Variants in TOGARAM2 observed in about 807,000 individuals in gnomAD.
TOGARAM2 encodes TOG array regulator of axonemal microtubules 2, also known as TOG array regulator of axonemal microtubules protein 2.
In TOGARAM2, 85 loss-of-function variants were observed where a neutral mutation model predicts 93.3. The ratio of observed to expected loss-of-function variants is 0.91; its 90% CI spans 0.76 to 1.09. The LOEUF is 1.09. Among genes scored for constraint, TOGARAM2 ranks in the 50% least tolerant of loss-of-function variants. The pLI is 0.00. For synonymous variants in TOGARAM2, 593 were observed against 552.8 expected (o/e 1.07, Z -1.02); for missense variants, 1,277 against 1,334.5 (o/e 0.96, Z 0.67).
At chr2:28,956,592 A>G (rs1671723304), upstream of TOGARAM2, 1 of 152,172 alleles carries the variant, frequency 6.6e-6, no homozygotes, top group Non-Finnish European at 1.5e-5. This position sits in a 1 kb window ranked among gnomAD's most constrained non-coding sequence, Gnocchi z 4.5. Context: ...CACTGCTGCC[A>G]TTCCCTGATC....
chr2:28,988,800 A>G (rs1248260589), intron 1 of TOGARAM2, among the ~76,000 whole-genome samples: 1 of 152,046 alleles, frequency 6.6e-6, no homozygotes, highest in African/African-American at 2.4e-5. Context: ...TGTGACCCGC[A>G]TGCCTCCACA....
chr2:29,017,344 A>T (rs1339255592), intron 9 of TOGARAM2, 40 bp downstream of exon 9: 10 of 1,508,268 alleles, frequency 6.6e-6, no homozygotes, highest in Non-Finnish European at 8.0e-6. Context: ...AGGCCTGGGG[A>T]GCTGAGTCCA....
At chr2:28,966,906 G>A (rs1269246593) in intron 1 of TOGARAM2, among the ~76,000 whole-genome samples, 1 of 152,178 alleles carries the variant, frequency 6.6e-6, no homozygotes, top group Non-Finnish European at 1.5e-5. Context: ...AAAGCCTACT[G>A]CATTTCAGAG....
rs142934202 is a variant in TOGARAM2 at position 29,005,627 on chromosome 2, AGT to A, written c.830+1953_830+1954del. 2.0e-3 allele frequency among the ~76,000 whole-genome samples: 96 copies of A among 48,662 alleles called. 8 individuals are homozygous for A. The highest frequency in any genetic ancestry group is 3.7e-3 in the East Asian group (7 of 1,890). The allele number at this position is 48,662 out of a possible 152,430, so 31.9% of individuals were successfully genotyped here. ...AGCATGCATGTGAGTGCATGTGTGGAGTGTGTGTGCATGTGTGTATGTGTGTG... is the reference window on the plus strand; with the variant it reads ...AGCATGCATGTGAGTGCATGTGTGGAGTGTGTGCATGTGTGTATGTGTGTG... On this transcript the variant is annotated intron_variant, in intron 6 of 19. Coordinates refer to ENST00000379558, the MANE Select transcript of TOGARAM2 (RefSeq NM_199280.4).
intron 6 of TOGARAM2, 75 bp from the exon 7 acceptor site, chr2:29,011,380 C>T (rs542542897): frequency 1.4e-6 from 2 of 1,444,170 alleles, no homozygotes; most frequent in East Asian, 2.4e-5. Flanking sequence ...CATCCTGGAG[C>T]CACCCTGGGC....
At chr2:29,002,209 C>CCT (rs1558417103) in intron 4 of TOGARAM2, among the ~76,000 whole-genome samples, 1 of 151,982 alleles carries the variant, frequency 6.6e-6, no homozygotes, top group African/African-American at 2.4e-5. Flanking sequence ...AGAGACAGTG[C>CCT]CTTGCTCGAG....
Position 29,023,188 on chromosome 2 carries a change from G to A in TOGARAM2, c.1614G>A (p.Gly538=), listed in dbSNP as rs1428973094. The A allele has an allele frequency of 6.3e-7, 1 of 1,582,584 alleles. No homozygotes were observed. The highest frequency in any genetic ancestry group is 8.6e-7 in the Non-Finnish European group (1 of 1,164,232). ...ACGACGTGTGCTTGGTGGTGACTGG[G>A]GAGGTGAGGCCCCCCAGCCTGTGTG... ...KLHDVCLVVT[G]EVTNLRSKVS... is the part of the protein sequence containing the mutation. Residue 538 remains glycine, a synonymous_variant, in exon 12 of 20, where the codon GGG becomes GGA. Transcript: ENST00000379558.
At chr2:29,003,738 G>C in intron 6 of TOGARAM2, 56 bp downstream of exon 6, 1 of 1,381,018 alleles carries the variant, frequency 7.2e-7, no homozygotes, top group Non-Finnish European at 9.5e-7. Flanking sequence ...GTCCCCCTGA[G>C]ATCCACTGGG....
chr2:29,010,146 C>T (rs1664147143), intron 6 of TOGARAM2, among the ~76,000 whole-genome samples: 1 of 152,082 alleles, frequency 6.6e-6, no homozygotes, highest in South Asian at 2.1e-4. Flanking sequence ...ATCCTGTGCT[C>T]ACCTCAGGCA....
chr2:29,033,413 G>C, intron 15 of TOGARAM2, 56 bp from the exon 16 acceptor site: 1 of 1,471,866 alleles, frequency 6.8e-7, no homozygotes, highest in Non-Finnish European at 9.4e-7. Flanking sequence ...GGAATGTCTG[G>C]CATTTCCCTG....
chr2:28,996,667 A>G (rs1477481396), intron 2 of TOGARAM2, among the ~76,000 whole-genome samples: 2 of 151,848 alleles, frequency 1.3e-5, no homozygotes, highest in African/African-American at 4.8e-5. Flanking sequence ...ATGAAAATAC[A>G]AAAAAATTAG....
chr2:28,981,745 G>A (rs1672203701), intron 1 of TOGARAM2, among the ~76,000 whole-genome samples: 1 of 152,246 alleles, frequency 6.6e-6, no homozygotes, highest in Non-Finnish European at 1.5e-5. Flanking sequence ...TCATGTGGCA[G>A]CTCTAGGGGA....
chr2:29,017,983 C>T lies in TOGARAM2; in HGVS notation c.1360+27C>T, dbSNP rs541153381. The T allele has an allele frequency of 1.0e-5, 16 of 1,567,306 alleles. No individual in the cohort carries two copies. The South Asian group carries it at 1.1e-4, about 10-fold the overall frequency. ...TGGGCAGGCCCGACTGGCAGGCACA[C>T]GTGTCCCTCTGCCCATGCTGCCTCA... On this transcript the variant is annotated intron_variant, in intron 10 of 19. Coordinates refer to ENST00000379558, the MANE Select transcript of TOGARAM2 (RefSeq NM_199280.4).
rs114820287 is a variant in TOGARAM2, at chr2:28,981,952, C to T, written c.-111+414C>T. Among the ~76,000 whole-genome samples the T allele has an allele frequency of 3.7e-3, 560 of 152,286 alleles. 2 individuals are homozygous for T. Among genetic ancestry groups the T allele is most frequent in the African/African-American group, 0.013 (533 of 41,568 alleles). On this transcript the variant is annotated intron_variant, in intron 1 of 19. Transcript: ENST00000379558. ...GTGGGGGCATGCTGTGGGGATGGCA[C>T]CCGTGCTTAGGGGTGCTGGGGCACC...
chr2:29,019,023 G>A (rs1664764921), intron 10 of TOGARAM2, among the ~76,000 whole-genome samples: 1 of 152,076 alleles, frequency 6.6e-6, no homozygotes, highest in Admixed American at 6.5e-5. Context: ...TCCCTTTAAA[G>A]TTAAATTCTT....
chr2:29,005,358 G>C (rs550866354), intron 6 of TOGARAM2, among the ~76,000 whole-genome samples: 2 of 120,592 alleles, frequency 1.7e-5, no homozygotes, highest in African/African-American at 5.8e-5. Flanking sequence ...TGTGTGGAGC[G>C]TATGTGTGAG....
At chr2:29,049,099 T>G (rs1327938634) in intron 19 of TOGARAM2, 1 of 151,380 alleles carries the variant, frequency 6.6e-6, no homozygotes, top group African/African-American at 2.4e-5. Context: ...ACTCCTGACC[T>G]CGTGATCCAC....
intron 2 of TOGARAM2, among the ~76,000 whole-genome samples, chr2:28,996,024 C>T (rs1478657277): frequency 6.6e-6 from 1 of 152,216 alleles, no homozygotes; most frequent in East Asian, 1.9e-4. Context: ...AGGGCAGGAA[C>T]AGAGAGAGGC....
At chr2:29,043,086 G>A (rs1202786316) in intron 18 of TOGARAM2, among the ~76,000 whole-genome samples, 11 of 152,088 alleles carry the variant, frequency 7.2e-5, no homozygotes, top group Admixed American at 6.6e-4. Flanking sequence ...TGATGGGGTG[G>A]GACAAATAGA....
Sources: gnomAD v4.1 joint callset for allele counts (sites outside exome capture counted in the v4.1 genomes callset) on GRCh38, gnomAD v4.1.1 for gene constraint, Gnocchi (gnomAD v3.1) non-coding constraint, MANE v1.5 for transcripts, NCBI Gene and HGNC (gene_info 2026-07-23, HGNC 2026-07-21) for gene names.